Variants in CDH12 observed in about 807,000 individuals in gnomAD.
CDH12 encodes cadherin 12.
Under a neutral mutation model 74.1 loss-of-function variants are expected in CDH12, and 41 were observed. The observed-to-expected ratio is 0.55, with a 90% CI of 0.43 to 0.72. The LOEUF (loss-of-function observed/expected upper bound fraction) is 0.72. CDH12 is among the 30% of genes least tolerant of loss of function. CDH12 has a pLI of 0.00. For missense variants in CDH12, 945 were observed against 977.2 expected (o/e 0.97, Z 0.44); for synonymous variants, 399 against 355.0 (o/e 1.12, Z -1.39).
intron 7 of CDH12, among the ~76,000 whole-genome samples, chr5:21,845,682 C>G (rs1419464881): frequency 6.6e-6 from 1 of 151,450 alleles, no homozygotes; most frequent in Admixed American, 6.6e-5. Context: ...TGATTTGTTG[C>G]CTGTTTACCT....
chr5:22,848,476 A>G (rs1737405729), intron 1 of CDH12, among the ~76,000 whole-genome samples: 1 of 152,132 alleles, frequency 6.6e-6, no homozygotes, highest in South Asian at 2.1e-4. Context: ...TTTTAGTTCA[A>G]TTATGTAACA....
At chr5:22,016,680 C>T (rs1334713273) in intron 5 of CDH12, among the ~76,000 whole-genome samples, 1 of 152,082 alleles carries the variant, frequency 6.6e-6, no homozygotes, top group East Asian at 1.9e-4. Context: ...GCCACCATGC[C>T]CGGCCTTGTA....
chr5:22,523,610 A>G (rs1280180149), intron 1 of CDH12, among the ~76,000 whole-genome samples: 1 of 152,130 alleles, frequency 6.6e-6, no homozygotes, highest in Non-Finnish European at 1.5e-5. Context: ...TTGCAGGTCA[A>G]TCCTTATGGC....
chr5:22,032,109 TA>T (rs1208420407), intron 5 of CDH12, among the ~76,000 whole-genome samples: 1 of 151,616 alleles, frequency 6.6e-6, no homozygotes, highest in African/African-American at 2.4e-5. Context: ...AAATATTATA[TA>T]ATATATATTT....
chr5:22,224,762 CTT>C (rs1447850684), intron 3 of CDH12, among the ~76,000 whole-genome samples: 1 of 151,902 alleles, frequency 6.6e-6, no homozygotes, highest in East Asian at 1.9e-4. Flanking sequence ...TAGTACATCT[CTT>C]TTCCTCAATT....
Position 22,218,216 on chromosome 5 carries a change from C to T in CDH12, c.-332-5573G>A, listed in dbSNP as rs74948706. 3.2e-3 allele frequency among the ~76,000 whole-genome samples: 484 copies of T among 151,630 alleles called. 2 individuals are homozygous for T. The highest frequency in any genetic ancestry group is 0.011 in the African/African-American group (460 of 41,446). On this transcript the variant is annotated intron_variant, in intron 3 of 14. Coordinates refer to ENST00000382254, the MANE Select transcript of CDH12 (RefSeq NM_004061.5). ...TTTAAAAAGTTAAACGTATGCCTATCGTGTGATGCAGCCATCTCGCTCTGA... is the reference window on the plus strand; with the variant it reads ...TTTAAAAAGTTAAACGTATGCCTATTGTGTGATGCAGCCATCTCGCTCTGA...
At chr5:22,587,442 C>T (rs2126793517) in intron 1 of CDH12, among the ~76,000 whole-genome samples, 1 of 152,232 alleles carries the variant, frequency 6.6e-6, no homozygotes, top group Admixed American at 6.5e-5. Flanking sequence ...TGAGAAGAAA[C>T]TATTCATGTT....
At chr5:22,070,154 G>T (rs1190708467) in intron 5 of CDH12, among the ~76,000 whole-genome samples, 1 of 151,964 alleles carries the variant, frequency 6.6e-6, no homozygotes, top group Non-Finnish European at 1.5e-5. Flanking sequence ...GTATTGACTT[G>T]ATATCATGGT....
intron 5 of CDH12, among the ~76,000 whole-genome samples, chr5:22,068,841 T>C (rs1359855762): frequency 6.6e-6 from 1 of 152,214 alleles, no homozygotes; most frequent in Non-Finnish European, 1.5e-5. Context: ...AGGGGCCATG[T>C]TGGCATGAGA....
At chr5:22,062,183 A>G (rs1267859306) in intron 5 of CDH12, among the ~76,000 whole-genome samples, 1 of 152,202 alleles carries the variant, frequency 6.6e-6, no homozygotes, top group Middle Eastern at 3.2e-3. Flanking sequence ...CGCCAATTCA[A>G]TTAAAGTAAA....
At chr5:21,752,532 G>A (rs1744156698) in intron 14 of CDH12, among the ~76,000 whole-genome samples, 1 of 152,198 alleles carries the variant, frequency 6.6e-6, no homozygotes, top group South Asian at 2.1e-4. Flanking sequence ...GGAAATAGTA[G>A]TTCTTCCACT....
intron 3 of CDH12, among the ~76,000 whole-genome samples, chr5:22,296,049 T>A (rs958274682): frequency 3.9e-5 from 6 of 151,996 alleles, no homozygotes; most frequent in Non-Finnish European, 8.8e-5. Context: ...GTGTGTGAGA[T>A]CATTTAATGG....
Position 21,975,298 on chromosome 5 carries a change from T to C in CDH12, c.319A>G (p.Thr107Ala), listed in dbSNP as rs752574272. The C allele has an allele frequency of 1.9e-6, 3 of 1,597,150 alleles. No individual in the cohort carries two copies. The highest frequency in any genetic ancestry group is 1.3e-5 in the African/African-American group (1 of 74,908). Residue 107 changes from threonine (T) to alanine (A), a missense_variant, in exon 6 of 15, where the codon ACC (threonine) becomes GCC (alanine). Physicochemically the swap from Thr to Ala is moderately conservative, Grantham distance 58 (BLOSUM62 0). Coordinates refer to ENST00000382254, the MANE Select transcript of CDH12 (RefSeq NM_004061.5). ...GAGTVFTIDETTGDIHAIRSL... is the reference protein window; with the variant it reads ...GAGTVFTIDEATGDIHAIRSL... Reference sequence around the variant, plus strand: ...CTTATTGCATGAATGTCCCCTGTGGTTTCATCAATGGTAAAAACGGTGCCA... The same window carrying C: ...CTTATTGCATGAATGTCCCCTGTGGCTTCATCAATGGTAAAAACGGTGCCA...
chr5:22,288,814 T>A (rs1737265356), intron 3 of CDH12, among the ~76,000 whole-genome samples: 1 of 152,192 alleles, frequency 6.6e-6, no homozygotes, highest in South Asian at 2.1e-4. Context: ...AATTTAAAAT[T>A]TCTTTAACTG....
At chr5:22,282,081 C>A (rs1428351834) in intron 3 of CDH12, among the ~76,000 whole-genome samples, 1 of 152,002 alleles carries the variant, frequency 6.6e-6, no homozygotes, top group Non-Finnish European at 1.5e-5. Context: ...AGAGGCCTCA[C>A]AAATAACACC....
chr5:21,769,836 A>G (rs1384689072), intron 11 of CDH12, among the ~76,000 whole-genome samples: 1 of 152,176 alleles, frequency 6.6e-6, no homozygotes, highest in African/African-American at 2.4e-5. Flanking sequence ...GAGATTCCAC[A>G]TAAGATTTTA....
chr5:22,283,550 A>C (rs1737010749), intron 3 of CDH12, among the ~76,000 whole-genome samples: 1 of 151,958 alleles, frequency 6.6e-6, no homozygotes, highest in Non-Finnish European at 1.5e-5. Flanking sequence ...TATATGTGGA[A>C]TCTGAAAAAT....
intron 6 of CDH12, among the ~76,000 whole-genome samples, chr5:21,870,415 A>G (rs946469754): frequency 2.6e-5 from 4 of 152,090 alleles, no homozygotes; most frequent in African/African-American, 9.7e-5. Flanking sequence ...AAAATGGCAG[A>G]AAAAAAGTGA....
chr5:21,964,712 T>A (rs1377435738), intron 6 of CDH12, among the ~76,000 whole-genome samples: 1 of 152,064 alleles, frequency 6.6e-6, no homozygotes, highest in Non-Finnish European at 1.5e-5. Flanking sequence ...ATGGTTCAAG[T>A]AATGCATAAA....
Sources: allele counts gnomAD v4.1 joint callset (sites outside exome capture counted in the v4.1 genomes callset), GRCh38; gene constraint gnomAD v4.1.1; transcripts MANE v1.5; gene names NCBI Gene and HGNC (gene_info 2026-07-23, HGNC 2026-07-21).